Variants in TRERF1 observed in about 807,000 individuals in gnomAD.
TRERF1 encodes the protein transcriptional regulating factor 1, also known as transcriptional-regulating factor 1.
A neutral mutation model predicts 122.9 loss-of-function variants in TRERF1; 27 were observed. The observed-to-expected ratio is 0.22, with a 90% CI of 0.16 to 0.30. The LOEUF is 0.30. TRERF1 is among the 10% of genes least tolerant of loss of function. The pLI is 1.00. For synonymous variants in TRERF1, 636 were observed against 641.7 expected (o/e 0.99, Z 0.13); for missense variants, 1,248 against 1,560.3 (o/e 0.80, Z 3.37).
At chr6:42,341,407 A>G (rs550668) in intron 3 of TRERF1, among the ~76,000 whole-genome samples, 39,869 of 152,110 alleles carry the variant, frequency 0.26, 8,868 homozygotes, top group African/African-American at 0.59. Context: ...GAATCACACC[A>G]AAGTACAGGC....
intron 2 of TRERF1, among the ~76,000 whole-genome samples, chr6:42,420,101 C>T (rs1782542649): frequency 6.6e-6 from 1 of 152,212 alleles, no homozygotes; most frequent in African/African-American, 2.4e-5. Context: ...TGTGATTTAA[C>T]CTACCTAGGA....
intron 2 of TRERF1, among the ~76,000 whole-genome samples, chr6:42,419,588 G>A (rs1428085316): frequency 1.3e-5 from 2 of 152,080 alleles, no homozygotes; most frequent in Admixed American, 6.5e-5. Context: ...CTGAACTTGA[G>A]AGCTGCTACA....
chr6:42,429,797 A>G (rs1341714200), intron 2 of TRERF1, among the ~76,000 whole-genome samples: 2 of 152,172 alleles, frequency 1.3e-5, no homozygotes, highest in Non-Finnish European at 2.9e-5. Context: ...TGAACAAGCA[A>G]ACTACAGAGG....
chr6:42,316,213 T>G (rs1483860662), intron 3 of TRERF1, among the ~76,000 whole-genome samples: 2 of 152,130 alleles, frequency 1.3e-5, no homozygotes, highest in Non-Finnish European at 2.9e-5. Flanking sequence ...ACCCCAAGCA[T>G]GCACCTCCTC....
intron 12 of TRERF1, among the ~76,000 whole-genome samples, chr6:42,255,631 A>T (rs1374257405): frequency 6.6e-6 from 1 of 152,224 alleles, no homozygotes; most frequent in African/African-American, 2.4e-5. Context: ...ACGCACATTG[A>T]AAGTCTGAGA....
At chr6:42,442,928 A>G (rs1334867169) in intron 2 of TRERF1, among the ~76,000 whole-genome samples, 1 of 152,120 alleles carries the variant, frequency 6.6e-6, no homozygotes, top group Non-Finnish European at 1.5e-5. Context: ...ATATTTTCCA[A>G]TTTTACTTCT....
chr6:42,387,596 C>T (rs1276106605), intron 2 of TRERF1, among the ~76,000 whole-genome samples: 3 of 152,220 alleles, frequency 2.0e-5, no homozygotes, highest in Non-Finnish European at 2.9e-5. Context: ...TGTTCAAATG[C>T]ACTCGCTCTG....
chr6:42,314,048 T>A (rs934949707), intron 3 of TRERF1, among the ~76,000 whole-genome samples: 7 of 146,818 alleles, frequency 4.8e-5, no homozygotes, highest in Non-Finnish European at 1.1e-4. Context: ...CCCTAAAGGG[T>A]TTTTTTTTTG....
intron 4 of TRERF1, among the ~76,000 whole-genome samples, chr6:42,283,604 A>C (rs1191067795): frequency 6.6e-6 from 1 of 150,762 alleles, no homozygotes; most frequent in Non-Finnish European, 1.5e-5. Flanking sequence ...ATAACATATG[A>C]AAAAAACTTT....
chr6:42,303,209 C>T (rs1271476122), intron 3 of TRERF1, among the ~76,000 whole-genome samples: 2 of 152,130 alleles, frequency 1.3e-5, no homozygotes, highest in East Asian at 3.9e-4. Context: ...CTGAGTGAGA[C>T]CAGTGTGTTC....
chr6:42,264,555 C>T, intron 7 of TRERF1, 149 bp downstream of exon 7: 1 of 1,277,808 alleles, frequency 7.8e-7, no homozygotes, highest in Non-Finnish European at 1.1e-6. Context: ...CTGGCTGGCT[C>T]CCAGCGCCAA....
At chr6:42,410,732 G>A (rs1235149914) in intron 2 of TRERF1, among the ~76,000 whole-genome samples, 1 of 152,144 alleles carries the variant, frequency 6.6e-6, no homozygotes, top group Non-Finnish European at 1.5e-5. Context: ...GTGCCCTGAG[G>A]ACAGAGACAT....
At chr6:42,351,193 C>T (rs1031781750) in intron 3 of TRERF1, among the ~76,000 whole-genome samples, 5 of 152,326 alleles carry the variant, frequency 3.3e-5, no homozygotes, top group South Asian at 2.1e-4. Flanking sequence ...CTACTGATGA[C>T]TGTAAATTAG....
In TRERF1 at chr6:42,236,199, A is replaced by T; in HGVS notation, c.3066+6T>A. 1 of 1,565,746 alleles carries T rather than the reference A, an allele frequency of 6.4e-7. No homozygotes were observed. Among genetic ancestry groups the T allele is most frequent in the Non-Finnish European group, 8.6e-7 (1 of 1,160,720 alleles). On this transcript the variant is annotated splice_donor_region_variant and intron_variant, in intron 16 of 17. Transcript: ENST00000372922. Reference sequence around the variant, plus strand: ...CCAGATCCCCAGACGACACAGACACACTTACAGCCCCACAGTTGGGCATTT... The same window carrying T: ...CCAGATCCCCAGACGACACAGACACTCTTACAGCCCCACAGTTGGGCATTT...
intron 3 of TRERF1, among the ~76,000 whole-genome samples, chr6:42,310,217 C>A (rs1407391348): frequency 6.6e-6 from 1 of 152,166 alleles, no homozygotes; most frequent in Non-Finnish European, 1.5e-5. Flanking sequence ...AATCCTCCTG[C>A]CTCGGCCTCC....
rs1779553334 is a variant in TRERF1 at position 42,268,209 on chromosome 6, A to G, written c.1382T>C (p.Leu461Pro). ...CTGATGCTGAGGCCCCATGTTGTTG[A>G]GGTGGATCCCACTGGGGGATAGGAG... The change falls in exon 5 of 18, where the codon CTC becomes CCC. Residue 461 changes from leucine to proline, a missense_variant. Around this residue, in one of 5 missense-constraint regions of TRERF1, gnomAD observed 946 missense variants for 1,073.0 expected, o/e 0.88. Transcript: ENST00000372922. The surrounding 1 kb of genome is among the most constrained non-coding windows in gnomAD (Gnocchi z 4.4). The G allele has an allele frequency of 6.8e-7, 1 of 1,476,762 alleles. No individual in the cohort carries two copies. Among genetic ancestry groups the G allele is most frequent in the African/African-American group, 1.4e-5 (1 of 70,834 alleles). The allele number at this position is 1,476,762 out of a possible 1,614,324, so 91.5% of individuals were successfully genotyped here.
chr6:42,300,282 G>A (rs1203716837), intron 4 of TRERF1, among the ~76,000 whole-genome samples: 3 of 152,152 alleles, frequency 2.0e-5, no homozygotes, highest in East Asian at 1.9e-4. Context: ...CTCTCAGGTC[G>A]TGGACTGAGT....
At chr6:42,349,872 C>T (rs1185308542) in intron 3 of TRERF1, among the ~76,000 whole-genome samples, 3 of 152,070 alleles carry the variant, frequency 2.0e-5, no homozygotes, top group Non-Finnish European at 2.9e-5. Flanking sequence ...TTACTCAGGT[C>T]CTGCAGTACT....
chr6:42,262,738 A>G (rs1778444456), intron 8 of TRERF1, among the ~76,000 whole-genome samples: 1 of 152,176 alleles, frequency 6.6e-6, no homozygotes, highest in African/African-American at 2.4e-5. Flanking sequence ...CTCTCAGTGG[A>G]ACTACTTTGG....
Sources: allele counts gnomAD v4.1 joint callset (sites outside exome capture counted in the v4.1 genomes callset), GRCh38; gene constraint gnomAD v4.1.1; regional missense constraint gnomAD v4.1.1; non-coding constraint Gnocchi (gnomAD v3.1); transcripts MANE v1.5; gene names NCBI Gene and HGNC (gene_info 2026-07-23, HGNC 2026-07-21).